The following SRBD1 variants were observed in gnomAD, a reference collection of about 807,000 sequenced individuals.
The protein encoded by SRBD1 is S1 RNA-binding domain-containing protein 1.
A neutral mutation model predicts 115.3 loss-of-function variants in SRBD1; 88 were observed. The ratio of observed to expected loss-of-function variants is 0.76; its 90% CI spans 0.64 to 0.91. The LOEUF (loss-of-function observed/expected upper bound fraction) is 0.91, where lower values mean the gene tolerates loss of function less well. Among genes scored for constraint, SRBD1 ranks in the 40% least tolerant of loss-of-function variants. SRBD1 has a pLI of 0.00. For synonymous variants in SRBD1, 509 were observed against 407.7 expected (o/e 1.25, Z -2.99); for missense variants, 1,385 against 1,177.4 (o/e 1.18, Z -2.58).
chr2:45,480,934 G>A (rs972796664), intron 15 of SRBD1, among the ~76,000 whole-genome samples: 1 of 152,164 alleles, frequency 6.6e-6, no homozygotes, highest in Non-Finnish European at 1.5e-5. Context: ...TGTGAGAGGA[G>A]AGTCCATTGA....
chr2:45,581,915 T>C, intron 5 of SRBD1, 105 bp from the exon 6 acceptor site: 1 of 818,826 alleles, frequency 1.2e-6, no homozygotes, highest in East Asian at 2.4e-5. Flanking sequence ...AAAAGGAACT[T>C]TATTGTCTCT....
At chr2:45,576,740 C>A (rs1404171584) in intron 7 of SRBD1, among the ~76,000 whole-genome samples, 2 of 152,044 alleles carry the variant, frequency 1.3e-5, no homozygotes, top group Admixed American at 1.3e-4. Context: ...TCCAAGTATC[C>A]CAGAGCATCA....
At chr2:45,527,040 T>C (rs1671464901) in intron 14 of SRBD1, among the ~76,000 whole-genome samples, 1 of 151,884 alleles carries the variant, frequency 6.6e-6, no homozygotes, top group African/African-American at 2.4e-5. Flanking sequence ...TTTTTAGAAA[T>C]GTTTTTTAAA....
At chr2:45,390,286 G>C (rs1666961314) in intron 20 of SRBD1, among the ~76,000 whole-genome samples, 1 of 152,010 alleles carries the variant, frequency 6.6e-6, no homozygotes, top group Admixed American at 6.6e-5. Flanking sequence ...TCCTGGCCAG[G>C]CACTCTGCTG....
intron 14 of SRBD1, among the ~76,000 whole-genome samples, chr2:45,501,351 C>T (rs943589582): frequency 1.3e-5 from 2 of 152,160 alleles, no homozygotes; most frequent in African/African-American, 4.8e-5. Flanking sequence ...ATAGGAACAG[C>T]TCCAGTCTAC....
At chr2:45,411,428 G>A (rs1667599377) in intron 19 of SRBD1, among the ~76,000 whole-genome samples, 5 of 152,048 alleles carry the variant, frequency 3.3e-5, no homozygotes, top group Non-Finnish European at 5.9e-5. Context: ...GCTACAACAT[G>A]GATAAATCTC....
In SRBD1 at chr2:45,428,567, T is replaced by A. The variant is rs531161177; in HGVS notation, c.2050-8673A>T. 9.5e-3 allele frequency among the ~76,000 whole-genome samples: 1,170 copies of A among 123,226 alleles called. 16 individuals carry two copies. Among genetic ancestry groups the A allele is most frequent in the African/African-American group, 0.031 (1,095 of 34,880 alleles). The allele number at this position is 123,226 out of a possible 152,430, so 80.8% of individuals were successfully genotyped here. ...ACTCCGTCTCAAAAAAATAAATAAA[T>A]AAATAAATAAATAAATACATAAATA... On this transcript the variant is annotated intron_variant, in intron 16 of 20. Coordinates refer to ENST00000263736, the MANE Select transcript of SRBD1 (RefSeq NM_018079.5).
intron 20 of SRBD1, among the ~76,000 whole-genome samples, chr2:45,390,143 T>G (rs1207757902): frequency 6.6e-6 from 1 of 152,180 alleles, no homozygotes; most frequent in African/African-American, 2.4e-5. Context: ...TCCCACCTAT[T>G]TCATATATAT....
chr2:45,474,686 A>G (rs985338417), intron 16 of SRBD1, among the ~76,000 whole-genome samples: 1 of 152,206 alleles, frequency 6.6e-6, no homozygotes, highest in Non-Finnish European at 1.5e-5. Flanking sequence ...ATAATGATAC[A>G]CAATGATCTG....
At chr2:45,443,157 G>C (rs764514490) in intron 16 of SRBD1, among the ~76,000 whole-genome samples, 7 of 152,250 alleles carry the variant, frequency 4.6e-5, no homozygotes, top group Middle Eastern at 3.4e-3. Context: ...TTATGCTGTA[G>C]AAAATGGATT....
At chr2:45,438,813 T>C (rs1668576533) in intron 16 of SRBD1, among the ~76,000 whole-genome samples, 1 of 152,030 alleles carries the variant, frequency 6.6e-6, no homozygotes, top group South Asian at 2.1e-4. Flanking sequence ...AGATAAATAT[T>C]TGAAGTAGTA....
At chr2:45,453,283 GAAAGA>G (rs913093878) in intron 16 of SRBD1, among the ~76,000 whole-genome samples, 3 of 131,964 alleles carry the variant, frequency 2.3e-5, no homozygotes, top group African/African-American at 5.4e-5. Context: ...AAAAAAAAAA[GAAAGA>G]AAAGAAAAGA....
chr2:45,421,698 C>A (rs550252959), intron 16 of SRBD1, among the ~76,000 whole-genome samples: 146 of 151,870 alleles, frequency 9.6e-4, no homozygotes, highest in Non-Finnish European at 1.7e-3. Context: ...CTTTACCCAA[C>A]ATCAAGGAAA....
intron 12 of SRBD1, 136 bp downstream of exon 12, chr2:45,550,989 C>T: frequency 1.1e-6 from 1 of 943,596 alleles, no homozygotes; most frequent in East Asian, 2.8e-5. Context: ...ATCTGGTTCC[C>T]AACACCCCTG....
chr2:45,580,368 T>A (rs1390318651), intron 6 of SRBD1, among the ~76,000 whole-genome samples: 1 of 152,118 alleles, frequency 6.6e-6, no homozygotes, highest in Non-Finnish European at 1.5e-5. Context: ...TTTTTTGAGA[T>A]GGACTCTCGC....
chr2:45,562,870 C>T (rs1043855255), intron 9 of SRBD1, 114 bp from the exon 10 acceptor site: 9 of 592,014 alleles, frequency 1.5e-5, no homozygotes, highest in African/African-American at 9.6e-5. Context: ...AACAAGAATA[C>T]ATTTTAAAAT....
intron 14 of SRBD1, among the ~76,000 whole-genome samples, chr2:45,496,500 A>C (rs1670463567): frequency 6.6e-6 from 1 of 152,184 alleles, no homozygotes; most frequent in Non-Finnish European, 1.5e-5. Context: ...TAAAAAGAGA[A>C]AGATAGAAGC....
chr2:45,419,959 C>T, intron 16 of SRBD1, 65 bp from the exon 17 acceptor site: 1 of 1,401,978 alleles, frequency 7.1e-7, no homozygotes, highest in Non-Finnish European at 1.0e-6. Flanking sequence ...TTCCATTACT[C>T]TGCCTATATT....
intron 14 of SRBD1, among the ~76,000 whole-genome samples, chr2:45,520,031 T>C (rs142003101): frequency 2.0e-5 from 3 of 152,216 alleles, no homozygotes; most frequent in Non-Finnish European, 4.4e-5. Context: ...AAGTTCTTTA[T>C]CCTTAGAAAA....
Sources: allele counts gnomAD v4.1 joint callset (sites outside exome capture counted in the v4.1 genomes callset), GRCh38; gene constraint gnomAD v4.1.1; transcripts MANE v1.5; gene names NCBI Gene and HGNC (gene_info 2026-07-23, HGNC 2026-07-21).